DPP10: variants seen among roughly 807,000 people sequenced by gnomAD.
The protein encoded by DPP10 is inactive dipeptidyl peptidase 10.
DPP10 carries 33 observed loss-of-function variants against 120.9 expected under a neutral mutation model. That is an observed-to-expected ratio of 0.27 (90% CI 0.21 to 0.37). The LOEUF is 0.37. Among genes scored for constraint, DPP10 ranks in the 10% least tolerant of loss-of-function variants. The probability of loss-of-function intolerance (pLI) is 1.00; values close to 1 mark genes in which losing one functional copy is unlikely to be tolerated. For synonymous variants in DPP10, 337 were observed against 326.1 expected, an observed-to-expected ratio of 1.03 and a Z score of -0.36; for missense variants, 816 against 942.8, an observed-to-expected ratio of 0.87 and a Z score of 1.76.
chr2:114,886,872 C>A (rs1255405407), intron 1 of DPP10, among the ~76,000 whole-genome samples: 1 of 152,122 alleles, frequency 6.6e-6, no homozygotes, highest in African/African-American at 2.4e-5. Context: ...TGTCAATAAA[C>A]GCTTTCTCAA....
intron 3 of DPP10, among the ~76,000 whole-genome samples, chr2:115,345,113 G>T (rs527741416): frequency 6.6e-6 from 1 of 152,282 alleles, no homozygotes; most frequent in East Asian, 1.9e-4. Flanking sequence ...ATGAATGAAT[G>T]ATTTTAATTG....
At chr2:114,446,431 G>T (rs1677949842) in intron 1 of DPP10, among the ~76,000 whole-genome samples, 1 of 152,138 alleles carries the variant, frequency 6.6e-6, no homozygotes, top group Non-Finnish European at 1.5e-5. Context: ...CCTGGATCAA[G>T]AATTATATGT....
chr2:115,422,066 G>A (rs1030102713), intron 3 of DPP10, among the ~76,000 whole-genome samples: 1 of 151,952 alleles, frequency 6.6e-6, no homozygotes, highest in Non-Finnish European at 1.5e-5. Context: ...AAAAGTGACT[G>A]CTCCACGGCA....
At chr2:115,650,691 C>G (rs1373384768) in intron 5 of DPP10, among the ~76,000 whole-genome samples, 1 of 151,996 alleles carries the variant, frequency 6.6e-6, no homozygotes, top group Non-Finnish European at 1.5e-5. Context: ...ACTCAGCTAG[C>G]CTCCATGAGT....
intron 1 of DPP10, among the ~76,000 whole-genome samples, chr2:114,692,425 TG>T (rs764713742): frequency 7.9e-5 from 12 of 152,092 alleles, no homozygotes; most frequent in Non-Finnish European, 1.5e-4. Context: ...AGTTCTAATT[TG>T]GTTGTGCTGC....
At chr2:115,622,176 C>T (rs1045895629) in intron 5 of DPP10, among the ~76,000 whole-genome samples, 1 of 152,158 alleles carries the variant, frequency 6.6e-6, no homozygotes, top group Non-Finnish European at 1.5e-5. Flanking sequence ...ATTCCCTCTG[C>T]TGTCCACCCC....
intron 1 of DPP10, among the ~76,000 whole-genome samples, chr2:114,975,183 C>A (rs189196265): frequency 6.6e-6 from 1 of 151,440 alleles, no homozygotes; most frequent in African/African-American, 2.4e-5. Flanking sequence ...GTAGCTGGGG[C>A]GACAGGCGCA....
intron 2 of DPP10, among the ~76,000 whole-genome samples, chr2:115,317,164 C>T (rs1263352283): frequency 6.6e-6 from 1 of 152,032 alleles, no homozygotes; most frequent in African/African-American, 2.4e-5. Flanking sequence ...TAAGCAGTTG[C>T]TCCTCATATC....
intron 1 of DPP10, among the ~76,000 whole-genome samples, chr2:115,081,843 CTCTTTAGGG>C (rs1462853301): frequency 6.6e-6 from 1 of 152,164 alleles, no homozygotes; most frequent in Admixed American, 6.5e-5. Context: ...TGAGGGCAAA[CTCTTTAGGG>C]TCTCAGTTTA....
intron 1 of DPP10, among the ~76,000 whole-genome samples, chr2:115,268,053 T>C (rs979636813): frequency 6.6e-6 from 1 of 152,226 alleles, no homozygotes; most frequent in Non-Finnish European, 1.5e-5. Context: ...AACCATACTT[T>C]ATTGATGTTG....
chr2:115,777,257 A>G lies in DPP10; in HGVS notation c.1271A>G (p.Glu424Gly). The change falls in exon 14 of 26, where the codon GAA (glutamate) becomes GGA (glycine). Residue 424 changes from glutamate (E) to glycine (G), a missense_variant. Around this residue, in one of 3 missense-constraint regions of DPP10, gnomAD observed 592 missense variants for 649.0 expected, o/e 0.91. Coordinates refer to ENST00000410059, the MANE Select transcript of DPP10 (RefSeq NM_020868.6). The stretch of plus-strand genomic sequence containing the variant: ...CGGCATCTGACATCAGGAAACTGGG[A>G]AGTGATAAAGATCTTGGCATACGAT... ...TVRHLTSGNW[E>G]VIKILAYDET... is the part of the protein sequence containing the mutation. 1 of 1,613,210 alleles carries G rather than the reference A, an allele frequency of 6.2e-7. No individual in the cohort carries two copies.
chr2:114,576,604 A>G (rs1444510617), intron 1 of DPP10, among the ~76,000 whole-genome samples: 3 of 152,212 alleles, frequency 2.0e-5, no homozygotes, highest in Non-Finnish European at 2.9e-5. Flanking sequence ...CTTTGGGTAC[A>G]GGACAAGGTA....
At chr2:114,522,457 C>T (rs955606349) in intron 1 of DPP10, among the ~76,000 whole-genome samples, 2 of 152,064 alleles carry the variant, frequency 1.3e-5, no homozygotes, top group South Asian at 2.1e-4. Flanking sequence ...TTAGAGAACT[C>T]ATTGAATTGG....
intron 3 of DPP10, among the ~76,000 whole-genome samples, chr2:115,463,595 T>C (rs2074121897): frequency 6.6e-6 from 1 of 152,196 alleles, no homozygotes; most frequent in Non-Finnish European, 1.5e-5. Flanking sequence ...CAAAGTGTAA[T>C]TTATTTTTTC....
chr2:114,760,483 G>T (rs193264815), intron 1 of DPP10, among the ~76,000 whole-genome samples: 1 of 151,568 alleles, frequency 6.6e-6, no homozygotes, highest in Non-Finnish European at 1.5e-5. Flanking sequence ...CTTCTAACCT[G>T]GAAGTACAAG....
chr2:115,697,502 AT>A (rs1195396026), intron 7 of DPP10, among the ~76,000 whole-genome samples: 1 of 151,984 alleles, frequency 6.6e-6, no homozygotes, highest in Admixed American at 6.5e-5. Context: ...CAGTAAGAAG[AT>A]ATAACATTTC....
At chr2:115,283,661 C>T (rs11689990) in intron 1 of DPP10, among the ~76,000 whole-genome samples, 12 of 151,946 alleles carry the variant, frequency 7.9e-5, no homozygotes, top group South Asian at 2.1e-4. Context: ...GGTCAAATAA[C>T]GAACATTATT....
At chr2:115,332,980 T>A (rs1024276673) in intron 2 of DPP10, among the ~76,000 whole-genome samples, 3 of 152,156 alleles carry the variant, frequency 2.0e-5, no homozygotes, top group Non-Finnish European at 2.9e-5. Flanking sequence ...GATGTCCTTT[T>A]TAACTTTCTG....
intron 1 of DPP10, among the ~76,000 whole-genome samples, chr2:115,067,746 C>T (rs1412661754): frequency 4.7e-5 from 7 of 148,244 alleles, no homozygotes; most frequent in Non-Finnish European, 9.0e-5. Flanking sequence ...GCCTGTAGTC[C>T]CAGCTACTCG....
Sources: allele counts gnomAD v4.1 joint callset (sites outside exome capture counted in the v4.1 genomes callset), GRCh38; gene constraint gnomAD v4.1.1; regional missense constraint gnomAD v4.1.1; transcripts MANE v1.5; gene names NCBI Gene and HGNC (gene_info 2026-07-23, HGNC 2026-07-21).